CFAP299: variants seen among roughly 807,000 people sequenced by gnomAD.
CFAP299 encodes the protein cilia- and flagella-associated protein 299.
CFAP299 carries 21 observed loss-of-function variants against 27.0 expected under a neutral mutation model. The observed-to-expected ratio is 0.78, with a 90% CI of 0.55 to 1.12. The LOEUF is 1.12. CFAP299 is among the 50% of genes most tolerant of loss of function. CFAP299 has a pLI of 0.00. For missense variants in CFAP299, 310 were observed against 276.6 expected (o/e 1.12, Z -0.86); for synonymous variants, 104 against 98.1 (o/e 1.06, Z -0.36).
Position 80,386,387 on chromosome 4 carries a change from G to A in CFAP299, c.242+23503G>A, listed in dbSNP as rs1724995871. ...AGGGCGGCTTGCCCGGGACGGCCTC[G>A]GGCACCAGACCAGCCCCTGTGTCCT... On this transcript the variant is annotated intron_variant, in intron 2 of 5. Transcript: ENST00000358105. 6 of 1,527,400 alleles carry A rather than the reference G, an allele frequency of 3.9e-6. No individual in the cohort carries two copies. In the South Asian group the frequency reaches 6.0e-5, roughly 15 times the overall value. 94.6% of individuals were successfully genotyped at this position (1,527,400 alleles called of 1,614,324 possible). A position where few individuals can be genotyped will look rare whatever the true frequency, so the allele number is the denominator to read the frequency against.
intron 2 of CFAP299, among the ~76,000 whole-genome samples, chr4:80,415,532 AT>A (rs1248724705): frequency 6.6e-6 from 1 of 152,188 alleles, no homozygotes; most frequent in Admixed American, 6.5e-5. Flanking sequence ...CTGGTAGTTT[AT>A]ATAATTTTCA....
intron 2 of CFAP299, among the ~76,000 whole-genome samples, chr4:80,407,050 T>C (rs969901609): frequency 6.6e-6 from 1 of 152,158 alleles, no homozygotes; most frequent in African/African-American, 2.4e-5. Context: ...GCAACTTAGC[T>C]ATGCTGCCTA....
intron 2 of CFAP299, among the ~76,000 whole-genome samples, chr4:80,397,825 A>C (rs1265221921): frequency 6.6e-6 from 1 of 152,196 alleles, no homozygotes; most frequent in Non-Finnish European, 1.5e-5. Flanking sequence ...TAGTGTTGGA[A>C]GTTCTGGCCA....
At chr4:80,808,350 C>A (rs1040975920) in intron 3 of CFAP299, among the ~76,000 whole-genome samples, 5 of 152,052 alleles carry the variant, frequency 3.3e-5, no homozygotes, top group African/African-American at 4.8e-5. Context: ...AGAAGATTTA[C>A]ATGCAAAATG....
At chr4:80,916,296 T>TATATATATATATATATA (rs1578236267) in intron 4 of CFAP299, among the ~76,000 whole-genome samples, 67 of 130,678 alleles carry the variant, frequency 5.1e-4, no homozygotes, top group Middle Eastern at 4.1e-3. Context: ...TATATATATA[T>TATATATATATATATATA]TTCAGGTACA....
intron 4 of CFAP299, among the ~76,000 whole-genome samples, chr4:80,904,595 A>G (rs1011160551): frequency 3.3e-5 from 5 of 151,448 alleles, no homozygotes; most frequent in African/African-American, 1.2e-4. Flanking sequence ...ATCTGGAGGG[A>G]CTGATATTAG....
intron 2 of CFAP299, among the ~76,000 whole-genome samples, chr4:80,427,860 CTTTA>C (rs1450438967): frequency 1.3e-5 from 2 of 152,050 alleles, no homozygotes; most frequent in African/African-American, 4.8e-5. Flanking sequence ...GTGATTTAAA[CTTTA>C]TTTTTCTTTA....
chr4:80,816,503 T>C (rs1729429182), intron 3 of CFAP299, among the ~76,000 whole-genome samples: 4 of 152,280 alleles, frequency 2.6e-5, no homozygotes, highest in Non-Finnish European at 5.9e-5. Context: ...TAGCAGAGAA[T>C]GTAGTGGTCA....
At chr4:80,627,055 A>G (rs1046486194) in intron 3 of CFAP299, among the ~76,000 whole-genome samples, 4 of 151,854 alleles carry the variant, frequency 2.6e-5, no homozygotes, top group African/African-American at 9.7e-5. Flanking sequence ...AAAAAACCCT[A>G]CAGACCAATA....
intron 3 of CFAP299, among the ~76,000 whole-genome samples, chr4:80,640,116 T>C (rs1480158874): frequency 5.3e-5 from 8 of 152,232 alleles, no homozygotes; most frequent in African/African-American, 1.9e-4. Flanking sequence ...GTAAACTGTA[T>C]GTTATATGTA....
At chr4:80,338,855 C>T (rs568453433) in intron 1 of CFAP299, among the ~76,000 whole-genome samples, 3 of 152,284 alleles carry the variant, frequency 2.0e-5, no homozygotes, top group East Asian at 3.9e-4. Flanking sequence ...ATATTCTGCT[C>T]CCAAAAGTTT....
At chr4:80,484,039 C>A (rs1252159788) in intron 2 of CFAP299, among the ~76,000 whole-genome samples, 1 of 152,016 alleles carries the variant, frequency 6.6e-6, no homozygotes, top group Non-Finnish European at 1.5e-5. Context: ...ATTAATATAG[C>A]ATAGTGATTT....
intron 2 of CFAP299, among the ~76,000 whole-genome samples, chr4:80,395,687 A>T (rs890118443): frequency 1.3e-5 from 2 of 152,148 alleles, no homozygotes; most frequent in African/African-American, 4.8e-5. Context: ...GATCTGATTT[A>T]AAAATGGGAT....
chr4:80,532,742 A>G (rs528162986), intron 2 of CFAP299, among the ~76,000 whole-genome samples: 1 of 152,122 alleles, frequency 6.6e-6, no homozygotes, highest in Non-Finnish European at 1.5e-5. Flanking sequence ...TTCTGTTGAT[A>G]TTTATAAATC....
chr4:80,703,689 A>G (rs1412114157), intron 3 of CFAP299, among the ~76,000 whole-genome samples: 1 of 151,634 alleles, frequency 6.6e-6, no homozygotes, highest in Non-Finnish European at 1.5e-5. Flanking sequence ...ACAATATACT[A>G]TTCTACTTTT....
At chr4:80,455,544 A>C (rs749191473) in intron 2 of CFAP299, among the ~76,000 whole-genome samples, 2 of 152,224 alleles carry the variant, frequency 1.3e-5, no homozygotes, top group Non-Finnish European at 2.9e-5. Context: ...TTTGAGAGCA[A>C]GAATGAGCAC....
chr4:80,327,699 T>TATATATATAACTTCAATAC, the CFAP299 span, among the ~76,000 whole-genome samples: 4 of 120,618 alleles, frequency 3.3e-5, 1 homozygote, highest in Non-Finnish European at 5.0e-5. Flanking sequence ...GTTATATATA[T>TATATATATAACTTCAATAC]ATATATATAT....
intron 3 of CFAP299, among the ~76,000 whole-genome samples, chr4:80,684,315 G>C (rs919859399): frequency 6.6e-6 from 1 of 151,490 alleles, no homozygotes; most frequent in Non-Finnish European, 1.5e-5. Context: ...CCCAGGCTGA[G>C]TGCAGTGGTG....
At chr4:80,879,616 G>A (rs555583167) in intron 4 of CFAP299, among the ~76,000 whole-genome samples, 27 of 152,074 alleles carry the variant, frequency 1.8e-4, no homozygotes, top group South Asian at 8.3e-4. Flanking sequence ...ACTTTCAATC[G>A]AAATTTATGT....
Sources: allele counts gnomAD v4.1 joint callset (sites outside exome capture counted in the v4.1 genomes callset), GRCh38; gene constraint gnomAD v4.1.1; transcripts MANE v1.5; gene names NCBI Gene and HGNC (gene_info 2026-07-23, HGNC 2026-07-21).